Variants in GYPE observed in about 807,000 individuals in gnomAD.
The protein encoded by GYPE is glycophorin E (MNS blood group), also known as glycophorin-E.
Under a neutral mutation model 11.6 loss-of-function variants are expected in GYPE, and 8 were observed. That is an observed-to-expected ratio of 0.69 (90% CI 0.41 to 1.25). The LOEUF is 1.25. Among genes scored for constraint, GYPE ranks in the 50% most tolerant of loss-of-function variants. GYPE has a pLI of 0.01. For synonymous variants in GYPE, 28 were observed against 29.6 expected, an observed-to-expected ratio of 0.94 and a Z score of 0.18; for missense variants, 90 against 92.8, an observed-to-expected ratio of 0.97 and a Z score of 0.12.
At chr4:143,895,815 A>G (rs887809419) in intron 1 of GYPE, among the ~76,000 whole-genome samples, 3 of 152,020 alleles carry the variant, frequency 2.0e-5, no homozygotes, top group Non-Finnish European at 4.4e-5. Context: ...AGAGATATAG[A>G]TCAATGGAAC....
chr4:143,873,255 G>C, intron 3 of GYPE: 1 of 304,692 alleles, frequency 3.3e-6, no homozygotes, highest in South Asian at 3.2e-5. Flanking sequence ...TGCTTTGCTA[G>C]GCCTAGAAAA....
intron 3 of GYPE, among the ~76,000 whole-genome samples, chr4:143,876,528 TG>T (rs1743814230): frequency 1.3e-5 from 2 of 151,870 alleles, no homozygotes; most frequent in South Asian, 4.2e-4. Context: ...ATTGGGAAAA[TG>T]GGGGACAGAT....
At chr4:143,899,604 A>AT (rs1314169111) in intron 1 of GYPE, among the ~76,000 whole-genome samples, 1 of 151,886 alleles carries the variant, frequency 6.6e-6, no homozygotes, top group Non-Finnish European at 1.5e-5. Context: ...AATCTGTGTG[A>AT]TTTTGCCCCA....
At chr4:143,873,114 C>A (rs1418921954) in intron 3 of GYPE, among the ~76,000 whole-genome samples, 3 of 152,144 alleles carry the variant, frequency 2.0e-5, no homozygotes, top group African/African-American at 7.2e-5. Context: ...ATATTCCATG[C>A]CATCTCATCC....
intron 1 of GYPE, among the ~76,000 whole-genome samples, chr4:143,886,555 G>A (rs531436239): frequency 5.0e-5 from 7 of 140,678 alleles, no homozygotes; most frequent in African/African-American, 1.8e-4. Flanking sequence ...ATTCTGCAAA[G>A]CTGCAAAATA....
At chr4:143,882,264 C>A (rs1021845730) in intron 1 of GYPE, among the ~76,000 whole-genome samples, 2 of 150,198 alleles carry the variant, frequency 1.3e-5, no homozygotes, top group Non-Finnish European at 3.0e-5. Context: ...AAAACCAATG[C>A]TTTTAAACAA....
intron 1 of GYPE, among the ~76,000 whole-genome samples, chr4:143,882,699 A>T (rs1233502511): frequency 2.0e-5 from 3 of 152,076 alleles, no homozygotes; most frequent in African/African-American, 2.4e-5. Flanking sequence ...TGTCACTTCC[A>T]TTTCTAACTT....
intron 3 of GYPE, chr4:143,875,620 T>C (rs1164733839): frequency 4.6e-6 from 7 of 1,511,108 alleles, no homozygotes; most frequent in Non-Finnish European, 5.4e-6. Flanking sequence ...GTGTAGCCAA[T>C]TGGAGGCTTC....
chr4:143,895,714 A>G (rs1744602875), intron 1 of GYPE, among the ~76,000 whole-genome samples: 1 of 145,106 alleles, frequency 6.9e-6, no homozygotes. Flanking sequence ...TCCTAAGCCA[A>G]AAGAACAAAG....
chr4:143,903,442 C>G (rs532772243), intron 1 of GYPE, among the ~76,000 whole-genome samples: 2 of 138,114 alleles, frequency 1.4e-5, no homozygotes, highest in East Asian at 4.5e-4. Flanking sequence ...GGAAGAAGAT[C>G]TCTGGTAAGT....
intron 3 of GYPE, among the ~76,000 whole-genome samples, chr4:143,876,340 C>T (rs530374100): frequency 6.6e-6 from 1 of 152,224 alleles, no homozygotes; most frequent in South Asian, 2.1e-4. Flanking sequence ...TCTCAAACTC[C>T]TGAGCTCAAA....
At chr4:143,876,709 C>G (rs1238020437) in intron 3 of GYPE, 37 bp downstream of exon 3, 2 of 1,039,018 alleles carry the variant, frequency 1.9e-6, no homozygotes, top group Non-Finnish European at 1.5e-6. Context: ...GCTGTTCACA[C>G]TGGTATTTAG....
At chr4:143,893,278 T>C (rs1353891756) in intron 1 of GYPE, among the ~76,000 whole-genome samples, 2 of 140,622 alleles carry the variant, frequency 1.4e-5, no homozygotes, top group Admixed American at 1.5e-4. Flanking sequence ...TGCCAGTCTG[T>C]GTCTTTTAAT....
intron 1 of GYPE, among the ~76,000 whole-genome samples, chr4:143,898,435 C>CAAAGT (rs1744743744): frequency 6.6e-6 from 1 of 152,010 alleles, no homozygotes; most frequent in South Asian, 2.1e-4. Flanking sequence ...TAATCTTAGG[C>CAAAGT]AAAGTAGAAT....
At chr4:143,888,228 G>T (rs1421349954) in intron 1 of GYPE, among the ~76,000 whole-genome samples, 1 of 50,684 alleles carries the variant, frequency 2.0e-5, no homozygotes, top group Non-Finnish European at 4.7e-5. Context: ...TTCTAACCTG[G>T]AATGCTATTA....
intron 1 of GYPE, among the ~76,000 whole-genome samples, chr4:143,904,619 C>A (rs1302014406): frequency 5.9e-5 from 9 of 152,108 alleles, no homozygotes. Context: ...TCCCTGTATG[C>A]TACTGTATGC....
chr4:143,903,148 G>A (rs570768349), intron 1 of GYPE, among the ~76,000 whole-genome samples: 1 of 151,824 alleles, frequency 6.6e-6, no homozygotes, highest in Non-Finnish European at 1.5e-5. Flanking sequence ...GCAGTTTTCG[G>A]CATTCATGTT....
At chr4:143,904,175 ATACG>A (rs1560955005) in intron 1 of GYPE, among the ~76,000 whole-genome samples, 1 of 151,898 alleles carries the variant, frequency 6.6e-6, no homozygotes, top group Non-Finnish European at 1.5e-5. Flanking sequence ...CACCAATCAC[ATACG>A]TAGGTTTGTT....
chr4:143,902,155 T>A (rs947322334), intron 1 of GYPE, among the ~76,000 whole-genome samples: 5 of 152,154 alleles, frequency 3.3e-5, no homozygotes, highest in African/African-American at 1.2e-4. Context: ...ATTTGTCATT[T>A]GTCATTTTGA....
Sources: allele counts gnomAD v4.1 joint callset (sites outside exome capture counted in the v4.1 genomes callset), GRCh38; gene constraint gnomAD v4.1.1; transcripts MANE v1.5; gene names NCBI Gene and HGNC (gene_info 2026-07-23, HGNC 2026-07-21).